The following ZNF721 variants were observed in gnomAD, a reference collection of about 807,000 sequenced individuals.
The protein encoded by ZNF721 is zinc finger protein 721.
In ZNF721, 2 loss-of-function variants were observed where a neutral mutation model predicts 2.4. The ratio of observed to expected loss-of-function variants is 0.82; its 90% CI spans 0.34 to 2.58. ZNF721 has a LOEUF of 2.58. Among genes scored for constraint, ZNF721 ranks in the 30% most tolerant of loss-of-function variants. The probability of loss-of-function intolerance (pLI) is 0.11; values close to 1 mark genes in which losing one functional copy is unlikely to be tolerated. For synonymous variants in ZNF721, 398 were observed against 381.8 expected (o/e 1.04, Z -0.50); for missense variants, 1,187 against 1,085.5 (o/e 1.09, Z -1.31).
intron 1 of ZNF721, among the ~76,000 whole-genome samples, chr4:497,628 C>A (rs1716241700): frequency 6.6e-6 from 1 of 151,912 alleles, no homozygotes; most frequent in South Asian, 2.1e-4. Context: ...GTGTCTCACG[C>A]CTGTAATCCC....
chr4:465,711 G>C (rs192265529), intron 2 of ZNF721, among the ~76,000 whole-genome samples: 1,719 of 151,826 alleles, frequency 0.011, 13 homozygotes, highest in Middle Eastern at 0.041. Flanking sequence ...TGGGATTACA[G>C]GCGTGAGCCA....
chr4:453,366 A>T (rs993095207), intron 2 of ZNF721: 1 of 152,226 alleles, frequency 6.6e-6, no homozygotes, highest in African/African-American at 2.4e-5. Flanking sequence ...GGGGAAAAAA[A>T]TACTGGGAAG....
chr4:472,942 T>C (rs1308377215), intron 1 of ZNF721, among the ~76,000 whole-genome samples: 4 of 151,684 alleles, frequency 2.6e-5, no homozygotes, highest in African/African-American at 7.3e-5. Context: ...CCAAGCAGAG[T>C]AGGCCCTGTG....
intron 2 of ZNF721, among the ~76,000 whole-genome samples, chr4:457,307 C>T (rs990192392): frequency 6.6e-6 from 1 of 152,132 alleles, no homozygotes; most frequent in African/African-American, 2.4e-5. Flanking sequence ...GCAGTTATGT[C>T]CTGAAAAAAG....
chr4:444,165 G>A lies in ZNF721; in HGVS notation c.302C>T (p.Thr101Ile). 1 of 1,613,894 alleles carries A rather than the reference G, an allele frequency of 6.2e-7. No individual in the cohort carries two copies. ...SKFANSNKDK[T>I]RHTGEKHFKC... ...AAAGTGTTTCTCTCCAGTATGTCTT[G>A]TCTTATCTTTGTTTGAATTTGCAAA... The change falls in exon 3 of 3, where the codon ACA becomes ATA. Residue 101 changes from threonine to isoleucine, a missense_variant. Physicochemically the swap from Thr to Ile is moderately conservative, Grantham distance 89. Transcript: ENST00000511833.
At chr4:455,773 A>T (rs1714827406) in intron 2 of ZNF721, among the ~76,000 whole-genome samples, 1 of 152,194 alleles carries the variant, frequency 6.6e-6, no homozygotes, top group Non-Finnish European at 1.5e-5. Flanking sequence ...ATTAAACTTT[A>T]CTTTTGTAAG....
intron 2 of ZNF721, among the ~76,000 whole-genome samples, chr4:468,354 T>C (rs536382177): frequency 1.3e-4 from 19 of 150,838 alleles, no homozygotes; most frequent in Admixed American, 1.3e-3. Flanking sequence ...CGCTTGAACC[T>C]GGGAGGCGGA....
chr4:474,138 G>A (rs1715559510), intron 1 of ZNF721: 7 of 929,016 alleles, frequency 7.5e-6, no homozygotes, highest in Admixed American at 2.5e-5. Flanking sequence ...TCAGGCTGAA[G>A]CAACAGGCCA....
intron 1 of ZNF721, chr4:474,101 A>G (rs1715556916): frequency 7.7e-7 from 1 of 1,293,076 alleles, no homozygotes; most frequent in South Asian, 1.2e-5. Context: ...GAGGTGTGGA[A>G]GCAGGGAAGT....
chr4:468,797 C>T (rs1246849599), intron 2 of ZNF721, among the ~76,000 whole-genome samples: 2 of 152,174 alleles, frequency 1.3e-5, no homozygotes, highest in East Asian at 3.8e-4. Flanking sequence ...ATTGTTAAAT[C>T]CTTAAAATAT....
chr4:451,426 A>G (rs2108694164), intron 2 of ZNF721, among the ~76,000 whole-genome samples: 1 of 152,312 alleles, frequency 6.6e-6, no homozygotes, highest in East Asian at 1.9e-4. Context: ...ACCTCGTGCC[A>G]AACAACTCAT....
intron 1 of ZNF721, among the ~76,000 whole-genome samples, chr4:475,182 G>A (rs1186047483): frequency 6.7e-6 from 1 of 149,782 alleles, no homozygotes; most frequent in Non-Finnish European, 1.5e-5. Flanking sequence ...GCCAGACTCC[G>A]TCTCAAAAAA....
intron 2 of ZNF721, among the ~76,000 whole-genome samples, chr4:471,654 G>T (rs936415629): frequency 6.6e-6 from 1 of 152,048 alleles, no homozygotes; most frequent in African/African-American, 2.4e-5. Flanking sequence ...ATGTACATTA[G>T]CATTAGATTA....
chr4:494,926 G>C (rs1560247280), intron 1 of ZNF721, among the ~76,000 whole-genome samples: 2 of 142,008 alleles, frequency 1.4e-5, no homozygotes, highest in East Asian at 4.2e-4. Flanking sequence ...GAGTCTCACT[G>C]TCGCCCAGGC....
intron 2 of ZNF721, among the ~76,000 whole-genome samples, chr4:469,152 C>G (rs574109993): frequency 6.6e-6 from 1 of 152,232 alleles, no homozygotes; most frequent in East Asian, 1.9e-4. Flanking sequence ...CCAGGCTCAT[C>G]TCAAACTCCT....
At chr4:488,852 T>C (rs1194436653) in intron 1 of ZNF721, among the ~76,000 whole-genome samples, 1 of 150,922 alleles carries the variant, frequency 6.6e-6, no homozygotes, top group East Asian at 1.9e-4. Flanking sequence ...ATAAATAAAA[T>C]AAAATAAAAG....
chr4:446,909 T>C (rs1179556001), intron 2 of ZNF721, among the ~76,000 whole-genome samples: 1 of 151,602 alleles, frequency 6.6e-6, no homozygotes, highest in Non-Finnish European at 1.5e-5. Context: ...CAGGATGGTC[T>C]CGATCTCTTT....
chr4:487,746 G>C (rs147761973), intron 1 of ZNF721, among the ~76,000 whole-genome samples: 4,202 of 152,236 alleles, frequency 0.028, 80 homozygotes, highest in Non-Finnish European at 0.045. Flanking sequence ...CTGGAGACAG[G>C]GAACTTAAGG....
chr4:447,271 G>A lies in ZNF721; in HGVS notation c.35-2839C>T, dbSNP rs147772145. On this transcript the variant is annotated intron_variant, in intron 2 of 2. Coordinates refer to ENST00000511833, the MANE Select transcript of ZNF721 (RefSeq NM_133474.4). ...CAGGAGGCAGAGCTTGCAGTGAGCCGAGATCGCGCCACTGCACTCCATCCT... is the reference window on the plus strand; with the variant it reads ...CAGGAGGCAGAGCTTGCAGTGAGCCAAGATCGCGCCACTGCACTCCATCCT... 2.6e-3 allele frequency among the ~76,000 whole-genome samples: 402 copies of A among 152,076 alleles called. 5 individuals carry two copies. In the East Asian group the frequency reaches 0.04, roughly 15 times the overall value.
Sources: allele counts gnomAD v4.1 joint callset (sites outside exome capture counted in the v4.1 genomes callset), GRCh38; gene constraint gnomAD v4.1.1; transcripts MANE v1.5; gene names NCBI Gene and HGNC (gene_info 2026-07-23, HGNC 2026-07-21).